Variants in CA10 observed in about 807,000 individuals in gnomAD.
CA10 encodes carbonic anhydrase-related protein 10.
CA10 carries 14 observed loss-of-function variants against 44.2 expected under a neutral mutation model. The observed-to-expected ratio is 0.32, with a 90% CI of 0.21 to 0.50. The LOEUF (loss-of-function observed/expected upper bound fraction) is 0.50. CA10 is among the 20% of genes least tolerant of loss of function. The pLI, the probability that CA10 is intolerant of heterozygous loss-of-function variation, is 0.99. For missense variants in CA10, 350 were observed against 409.7 expected (o/e 0.85, Z 1.26); for synonymous variants, 159 against 141.6 (o/e 1.12, Z -0.87).
At position 51,861,355 on chromosome 17, in the gene CA10, T is replaced by C. The variant is rs191854279; in HGVS notation, c.279+69635A>G. On this transcript the variant is annotated intron_variant, in intron 3 of 8. Transcript: ENST00000451037. ...TCATTGTGGAGATTTTCTAAATGCA[T>C]GAGTTAAAATGGCAAAAGTGGAAAA... is the stretch of plus-strand genomic sequence containing the variant. Among the ~76,000 whole-genome samples, 7 of 151,864 alleles carry C rather than the reference T, an allele frequency of 4.6e-5. No individual in the cohort carries two copies. In the East Asian group the frequency reaches 1.4e-3, roughly 29 times the overall value.
chr17:51,904,558 A>G (rs998494508), intron 3 of CA10, among the ~76,000 whole-genome samples: 1 of 152,168 alleles, frequency 6.6e-6, no homozygotes, highest in African/African-American at 2.4e-5. Flanking sequence ...ACCAGAGTAT[A>G]GAAAAAAAGT....
chr17:52,106,876 C>T (rs913487375), intron 1 of CA10, among the ~76,000 whole-genome samples: 1 of 152,158 alleles, frequency 6.6e-6, no homozygotes, highest in Non-Finnish European at 1.5e-5. Context: ...TGTTTTTGAC[C>T]TATCCTACAA....
At chr17:51,793,069 C>T (rs1252348232) in intron 3 of CA10, among the ~76,000 whole-genome samples, 1 of 152,132 alleles carries the variant, frequency 6.6e-6, no homozygotes, top group Non-Finnish European at 1.5e-5. Context: ...TTGATTACTC[C>T]AGTCACATTA....
chr17:52,017,608 A>G (rs1267634012), intron 2 of CA10, among the ~76,000 whole-genome samples: 1 of 152,154 alleles, frequency 6.6e-6, no homozygotes, highest in Non-Finnish European at 1.5e-5. Flanking sequence ...AATTAGACGC[A>G]CATGCAAAGG....
intron 2 of CA10, among the ~76,000 whole-genome samples, chr17:51,992,326 A>T (rs897977738): frequency 2.0e-5 from 3 of 152,230 alleles, no homozygotes; most frequent in Middle Eastern, 3.4e-3. Context: ...CATCATCACC[A>T]TCATTGTTAT....
At chr17:52,137,109 A>G (rs1658526932) in intron 1 of CA10, among the ~76,000 whole-genome samples, 1 of 151,320 alleles carries the variant, frequency 6.6e-6, no homozygotes, top group African/African-American at 2.4e-5. Context: ...TTTTTCACAC[A>G]CACTTGTGAG....
chr17:51,930,889 G>T, intron 3 of CA10, 101 bp downstream of exon 3: 2 of 1,366,096 alleles, frequency 1.5e-6, no homozygotes, highest in Non-Finnish European at 2.0e-6. Flanking sequence ...TCCTAGGTGG[G>T]AGGACAAACT....
At chr17:51,842,627 G>A (rs557985751) in intron 3 of CA10, among the ~76,000 whole-genome samples, 3 of 152,182 alleles carry the variant, frequency 2.0e-5, no homozygotes, top group Non-Finnish European at 2.9e-5. Flanking sequence ...ATAAGGCATC[G>A]TTGGCATGAA....
intron 3 of CA10, among the ~76,000 whole-genome samples, chr17:51,901,934 A>G (rs77293789): frequency 0.013 from 2,006 of 152,306 alleles, 41 homozygotes; most frequent in African/African-American, 0.046. Flanking sequence ...GGAAAAAGCA[A>G]GACAGAAAAT....
rs144999494 is a variant in CA10, at chr17:51,867,985, C to T, written c.279+63005G>A. Among the ~76,000 whole-genome samples the T allele has an allele frequency of 6.6e-5, 10 of 152,076 alleles. No individual in the cohort carries two copies. The East Asian group carries it at 1.9e-3, about 29-fold the overall frequency. ...GATGATCCACTGTTTCTACATTATT[C>T]AGTCTTTAAACATAAATAAGCCTAG... On this transcript the variant is annotated intron_variant, in intron 3 of 8. Coordinates refer to ENST00000451037, the MANE Select transcript of CA10 (RefSeq NM_020178.5).
chr17:51,633,210 C>A (rs1217939779), intron 8 of CA10, among the ~76,000 whole-genome samples: 1 of 152,144 alleles, frequency 6.6e-6, no homozygotes, highest in African/African-American at 2.4e-5. Context: ...AACCTCTACA[C>A]CTTGCCATCT....
chr17:52,086,080 T>A (rs920797188), intron 1 of CA10, among the ~76,000 whole-genome samples: 2 of 152,226 alleles, frequency 1.3e-5, no homozygotes, highest in Non-Finnish European at 2.9e-5. Context: ...TAGAACATAC[T>A]CATTATGTTT....
chr17:52,159,073 C>T (rs1989886479), upstream of CA10, among the ~76,000 whole-genome samples: 1 of 152,198 alleles, frequency 6.6e-6, no homozygotes, highest in African/African-American at 2.4e-5. Context: ...AGTTTCTCTT[C>T]TTAAAAAGAA....
intron 4 of CA10, among the ~76,000 whole-genome samples, chr17:51,690,625 C>A (rs940787911): frequency 3.3e-5 from 5 of 152,178 alleles, no homozygotes; most frequent in Non-Finnish European, 5.9e-5. Context: ...TTACAAAGGG[C>A]AGTTCCCCTG....
chr17:51,658,072 G>A (rs190008824), intron 4 of CA10, among the ~76,000 whole-genome samples: 1 of 152,142 alleles, frequency 6.6e-6, no homozygotes, highest in Non-Finnish European at 1.5e-5. Flanking sequence ...CTGAGAAATG[G>A]CAGGCAGTCT....
At chr17:51,930,928 A>G (rs1751226125) in intron 3 of CA10, 62 bp downstream of exon 3, 1 of 1,588,574 alleles carries the variant, frequency 6.3e-7, no homozygotes, top group African/African-American at 1.3e-5. Context: ...CTTGAGGATT[A>G]GCTTTCAGAA....
intron 3 of CA10, among the ~76,000 whole-genome samples, chr17:51,881,208 C>A (rs1472767873): frequency 6.8e-6 from 1 of 147,476 alleles, no homozygotes; most frequent in Non-Finnish European, 1.5e-5. Context: ...CCACTGCACT[C>A]CAGCCTGGGC....
intron 3 of CA10, among the ~76,000 whole-genome samples, chr17:51,808,419 T>C (rs891171077): frequency 7.9e-5 from 12 of 152,222 alleles, no homozygotes; most frequent in African/African-American, 2.7e-4. Context: ...GCAGTACGTA[T>C]AGCTTTTTTT....
chr17:51,948,150 C>T (rs1049926370), intron 2 of CA10, among the ~76,000 whole-genome samples: 1 of 152,126 alleles, frequency 6.6e-6, no homozygotes, highest in African/African-American at 2.4e-5. Context: ...GACTCAGCAA[C>T]AAGACTGCCA....
Sources: allele counts gnomAD v4.1 joint callset (sites outside exome capture counted in the v4.1 genomes callset), GRCh38; gene constraint gnomAD v4.1.1; transcripts MANE v1.5; gene names NCBI Gene and HGNC (gene_info 2026-07-23, HGNC 2026-07-21).